Variants in ANO10 observed in about 807,000 individuals in gnomAD.
The protein encoded by ANO10 is anoctamin-10.
In ANO10, 77 loss-of-function variants were observed where a neutral mutation model predicts 74.7. The ratio of observed to expected loss-of-function variants is 1.03; its 90% CI spans 0.86 to 1.25. ANO10 has a LOEUF of 1.25. Ranked by LOEUF, ANO10 falls within the 50% of genes most tolerant of loss-of-function variation. The pLI, the probability that ANO10 is intolerant of heterozygous loss-of-function variation, is 0.00. For missense variants in ANO10, 721 were observed against 778.1 expected, an observed-to-expected ratio of 0.93 and a Z score of 0.87; for synonymous variants, 279 against 284.9, an observed-to-expected ratio of 0.98 and a Z score of 0.21.
chr3:43,512,690 G>GA (rs920666482), intron 11 of ANO10, among the ~76,000 whole-genome samples: 87 of 151,856 alleles, frequency 5.7e-4, no homozygotes, highest in African/African-American at 2.0e-3. Flanking sequence ...TATAGAAATT[G>GA]AAAAAAATGT....
chr3:43,376,523 C>G (rs1468077774), intron 12 of ANO10, among the ~76,000 whole-genome samples: 1 of 152,142 alleles, frequency 6.6e-6, no homozygotes, highest in East Asian at 1.9e-4. Context: ...TATACGAAAG[C>G]TACAATTACT....
chr3:43,537,227 T>C (rs1181288328), intron 11 of ANO10, among the ~76,000 whole-genome samples: 1 of 152,142 alleles, frequency 6.6e-6, no homozygotes, highest in Admixed American at 6.5e-5. Context: ...TGGAAGAATA[T>C]CATTGGTCTA....
At chr3:43,526,568 A>C (rs747031021) in intron 11 of ANO10, among the ~76,000 whole-genome samples, 5 of 152,202 alleles carry the variant, frequency 3.3e-5, no homozygotes, top group Admixed American at 6.5e-5. Flanking sequence ...AAAGAGGCAA[A>C]ACTAAATGGC....
At chr3:43,505,900 T>C (rs2077276554) in intron 11 of ANO10, among the ~76,000 whole-genome samples, 1 of 152,228 alleles carries the variant, frequency 6.6e-6, no homozygotes, top group Non-Finnish European at 1.5e-5. Flanking sequence ...TGTTTCAATC[T>C]GTAGCAGAGA....
chr3:43,389,259 T>C (rs890762306), intron 12 of ANO10, among the ~76,000 whole-genome samples: 4 of 152,218 alleles, frequency 2.6e-5, no homozygotes, highest in African/African-American at 7.2e-5. Context: ...AGTGCTTTCT[T>C]ATATGAAGCC....
Position 43,491,501 on chromosome 3 carries a change from A to G in ANO10, c.1797+58219T>C, listed in dbSNP as rs374713411. Among the ~76,000 whole-genome samples the G allele has an allele frequency of 1.1e-4, 16 of 152,198 alleles. 1 individual carries two copies. The highest frequency in any genetic ancestry group is 7.7e-4 in the East Asian group (4 of 5,170). ...TGCACTCCAGCCTGGGGGATAGAGT[A>G]AAACTCCATCTCCAAGAAAAAACAA... On this transcript the variant is annotated intron_variant, in intron 11 of 12. Coordinates refer to ENST00000292246, the MANE Select transcript of ANO10 (RefSeq NM_018075.5).
intron 12 of ANO10, among the ~76,000 whole-genome samples, chr3:43,418,105 C>T (rs2092768953): frequency 6.6e-6 from 1 of 152,066 alleles, no homozygotes; most frequent in Admixed American, 6.6e-5. Flanking sequence ...GGTGAAACTC[C>T]ATCTCTACTA....
intron 11 of ANO10, among the ~76,000 whole-genome samples, chr3:43,511,293 C>A (rs1259234029): frequency 6.6e-6 from 1 of 151,974 alleles, no homozygotes; most frequent in East Asian, 1.9e-4. Flanking sequence ...TTAAAATTCA[C>A]AAAATATAGT....
intron 12 of ANO10, among the ~76,000 whole-genome samples, chr3:43,382,603 G>A (rs1456577314): frequency 6.6e-6 from 1 of 151,710 alleles, no homozygotes; most frequent in Non-Finnish European, 1.5e-5. Flanking sequence ...AAAGATAAAT[G>A]AAACGAAAAG....
intron 12 of ANO10, among the ~76,000 whole-genome samples, chr3:43,385,382 C>T (rs1440816628): frequency 6.6e-6 from 1 of 152,162 alleles, no homozygotes; most frequent in Non-Finnish European, 1.5e-5. Flanking sequence ...AATAGATCCA[C>T]CCCAATCCAG....
At chr3:43,444,240 T>C (rs1019529834) in intron 11 of ANO10, among the ~76,000 whole-genome samples, 2 of 152,174 alleles carry the variant, frequency 1.3e-5, no homozygotes, top group Admixed American at 1.3e-4. Flanking sequence ...GCATGCCCTG[T>C]GTCACCAAAG....
At chr3:43,673,877 C>T (rs1692031354) in intron 1 of ANO10, among the ~76,000 whole-genome samples, 1 of 152,090 alleles carries the variant, frequency 6.6e-6, no homozygotes, top group South Asian at 2.1e-4. Context: ...TTCTCTGCCC[C>T]TACCCCCAAT....
chr3:43,445,205 G>A (rs2093227196), intron 11 of ANO10, among the ~76,000 whole-genome samples: 1 of 151,270 alleles, frequency 6.6e-6, no homozygotes, highest in Admixed American at 6.6e-5. Context: ...AGGAACCAGA[G>A]CTCCTTGGAA....
rs377492649 is a variant in ANO10, at chr3:43,520,530, A to G, written c.1797+29190T>C. On this transcript the variant is annotated intron_variant, in intron 11 of 12. Coordinates refer to ENST00000292246, the MANE Select transcript of ANO10 (RefSeq NM_018075.5). ...TGTTGAAAAGACTATTCTTCCCCCA[A>G]TGAATTGTCGTGGAACTCTTGTTGA... is the stretch of plus-strand genomic sequence containing the variant. Among the ~76,000 whole-genome samples, 17 of 152,294 alleles carry G rather than the reference A, an allele frequency of 1.1e-4. 1 individual carries two copies. The highest frequency in any genetic ancestry group is 7.7e-4 in the East Asian group (4 of 5,184).
intron 7 of ANO10, among the ~76,000 whole-genome samples, chr3:43,574,100 G>A (rs758425962): frequency 1.6e-4 from 24 of 148,682 alleles, no homozygotes; most frequent in Admixed American, 5.4e-4. Context: ...GATTACAGGT[G>A]CCACCATACC....
intron 11 of ANO10, among the ~76,000 whole-genome samples, chr3:43,444,320 T>G (rs949066214): frequency 5.3e-5 from 8 of 152,194 alleles, no homozygotes; most frequent in Non-Finnish European, 1.2e-4. Flanking sequence ...CAGAGCCACA[T>G]TTCATGCACA....
rs541636531 is a variant in ANO10 at position 43,409,865 on chromosome 3, GT to G, written c.1914+22745del. ...ATCAAAGCTAAGGGTCTACGCAAGC[GT>G]TTTAAGGGGATTTAACTTTTTCTGA... On this transcript the variant is annotated intron_variant, in intron 12 of 12. Coordinates refer to ENST00000292246, the MANE Select transcript of ANO10 (RefSeq NM_018075.5). 2.5e-3 allele frequency among the ~76,000 whole-genome samples: 377 copies of G among 152,238 alleles called. 1 individual carries two copies. Among genetic ancestry groups the G allele is most frequent in the Non-Finnish European group, 4.7e-3 (322 of 68,016 alleles).
At chr3:43,509,649 A>G (rs999925809) in intron 11 of ANO10, among the ~76,000 whole-genome samples, 3 of 152,218 alleles carry the variant, frequency 2.0e-5, no homozygotes, top group African/African-American at 7.2e-5. Flanking sequence ...AGTTTCTTAT[A>G]AAACTCAACA....
At chr3:43,457,538 G>C (rs1023727282) in intron 11 of ANO10, among the ~76,000 whole-genome samples, 10 of 152,194 alleles carry the variant, frequency 6.6e-5, no homozygotes, top group African/African-American at 2.4e-4. Flanking sequence ...CATGAGAACA[G>C]TATGGGGGAA....
Sources: allele counts gnomAD v4.1 joint callset (sites outside exome capture counted in the v4.1 genomes callset), GRCh38; gene constraint gnomAD v4.1.1; transcripts MANE v1.5; gene names NCBI Gene and HGNC (gene_info 2026-07-23, HGNC 2026-07-21).